The following SRGAP1 variants were observed in gnomAD, a reference collection of about 807,000 sequenced individuals.
SRGAP1 encodes SLIT-ROBO Rho GTPase-activating protein 1.
SRGAP1 carries 43 observed loss-of-function variants against 121.9 expected under a neutral mutation model. The observed-to-expected ratio is 0.35, with a 90% CI of 0.28 to 0.46. The LOEUF (loss-of-function observed/expected upper bound fraction) is 0.46. SRGAP1 is among the 20% of genes least tolerant of loss of function. SRGAP1 has a pLI of 1.00. For synonymous variants in SRGAP1, 447 were observed against 485.4 expected, an observed-to-expected ratio of 0.92 and a Z score of 1.04; for missense variants, 1,102 against 1,350.9, an observed-to-expected ratio of 0.82 and a Z score of 2.89.
Position 64,026,358 on chromosome 12 carries a change from T to C in SRGAP1, c.489+9346T>C, listed in dbSNP as rs2034652707. 2.0e-5 allele frequency among the ~76,000 whole-genome samples: 3 copies of C among 152,208 alleles called. No individual in the cohort carries two copies. The South Asian group carries it at 6.2e-4, about 31-fold the overall frequency. On this transcript the variant is annotated intron_variant, in intron 4 of 21. Coordinates refer to ENST00000355086, the MANE Select transcript of SRGAP1 (RefSeq NM_020762.4). Reference sequence around the variant, plus strand: ...CCAAAATAAATTAGAGGCATTTTTCTTGGATTTTACTGTTTGAAATTGGAC... The same window carrying C: ...CCAAAATAAATTAGAGGCATTTTTCCTGGATTTTACTGTTTGAAATTGGAC...
chr12:63,845,826 GAC>G (rs1898885655), intron 1 of SRGAP1, among the ~76,000 whole-genome samples: 3 of 152,148 alleles, frequency 2.0e-5, no homozygotes, highest in Non-Finnish European at 4.4e-5. Flanking sequence ...ACTGTTCTTT[GAC>G]ACATTCAATG....
chr12:64,109,906 A>G (rs1416352688), intron 16 of SRGAP1, among the ~76,000 whole-genome samples: 1 of 152,204 alleles, frequency 6.6e-6, no homozygotes, highest in East Asian at 1.9e-4. Context: ...ATACCCACTC[A>G]GCTTGACCCC....
At chr12:63,974,679 T>C (rs2033047066) in intron 1 of SRGAP1, among the ~76,000 whole-genome samples, 1 of 152,200 alleles carries the variant, frequency 6.6e-6, no homozygotes, top group Non-Finnish European at 1.5e-5. Flanking sequence ...TTATATTATG[T>C]TCGTTGTACT....
intron 1 of SRGAP1, among the ~76,000 whole-genome samples, chr12:63,915,987 G>A (rs1347374877): frequency 1.3e-5 from 2 of 151,522 alleles, no homozygotes; most frequent in African/African-American, 2.4e-5. Context: ...AAATTCTAGG[G>A]CTTGGAAGCA....
intron 3 of SRGAP1, among the ~76,000 whole-genome samples, chr12:64,011,120 C>G (rs1175392437): frequency 1.3e-5 from 2 of 151,814 alleles, no homozygotes; most frequent in Non-Finnish European, 2.9e-5. Flanking sequence ...AGTTTAGGAC[C>G]AGGCTGAAGG....
intron 1 of SRGAP1, among the ~76,000 whole-genome samples, chr12:63,964,696 T>C (rs1207434028): frequency 2.0e-5 from 3 of 152,140 alleles, no homozygotes; most frequent in African/African-American, 7.2e-5. Context: ...GGCTTGAGAG[T>C]GTGTTCATTT....
chr12:64,069,649 T>C lies in SRGAP1; in HGVS notation c.1125+4430T>C, dbSNP rs2035605547. On this transcript the variant is annotated intron_variant, in intron 8 of 21. Coordinates refer to ENST00000355086, the MANE Select transcript of SRGAP1 (RefSeq NM_020762.4). Reference sequence around the variant, plus strand: ...TTATTAAAACTTTGAAGTGAAACATTAATAAACATTACTTTTGTTTTTGTT... The same window carrying C: ...TTATTAAAACTTTGAAGTGAAACATCAATAAACATTACTTTTGTTTTTGTT... Among the ~76,000 whole-genome samples the C allele has an allele frequency of 2.0e-5, 3 of 152,166 alleles. No individual in the cohort carries two copies. The South Asian group carries it at 6.2e-4, about 32-fold the overall frequency.
intron 1 of SRGAP1, among the ~76,000 whole-genome samples, chr12:63,958,952 A>G (rs1049674952): frequency 1.3e-5 from 2 of 152,340 alleles, no homozygotes; most frequent in East Asian, 3.9e-4. Flanking sequence ...ATGTAAGTAG[A>G]ATGTCTTGCT....
chr12:63,873,351 T>G (rs1367526661), intron 1 of SRGAP1, among the ~76,000 whole-genome samples: 1 of 151,784 alleles, frequency 6.6e-6, no homozygotes, highest in Admixed American at 6.6e-5. Context: ...ACTGACATGG[T>G]GAAATCTCGT....
At chr12:63,985,063 A>G (rs887830316) in intron 2 of SRGAP1, among the ~76,000 whole-genome samples, 2 of 151,322 alleles carry the variant, frequency 1.3e-5, no homozygotes, top group African/African-American at 2.4e-5. Context: ...AAGTAAGCAG[A>G]CAACTCCAGT....
intron 7 of SRGAP1, among the ~76,000 whole-genome samples, chr12:64,063,586 A>G (rs1476903791): frequency 6.6e-6 from 1 of 152,234 alleles, no homozygotes; most frequent in East Asian, 1.9e-4. Flanking sequence ...CTCCAAAGCT[A>G]TAAAATGAGC....
rs772271174 is a variant in SRGAP1 at position 63,903,885 on chromosome 12, G to A, written c.67+59002G>A. Among the ~76,000 whole-genome samples the A allele has an allele frequency of 3.3e-5, 5 of 150,192 alleles. No homozygotes were observed. The South Asian group carries it at 6.4e-4, about 19-fold the overall frequency. Reference sequence around the variant, plus strand: ...CCTGACCTCGTGATCTGCCCGCCTCGGCCTCCCAAATTGCTGGGATTACAG... The same window carrying A: ...CCTGACCTCGTGATCTGCCCGCCTCAGCCTCCCAAATTGCTGGGATTACAG... On this transcript the variant is annotated intron_variant, in intron 1 of 21. Transcript: ENST00000355086.
intron 10 of SRGAP1, among the ~76,000 whole-genome samples, chr12:64,085,556 TCTAACCCTGTATAGCCAGCTTG>T (rs373730341): frequency 7.2e-5 from 11 of 152,258 alleles, no homozygotes; most frequent in African/African-American, 2.6e-4. Context: ...TTCTCTGTGC[TCTAACCCTGTATAGCCAGCTTG>T]CTGCCGAACA....
At chr12:63,907,850 T>A (rs901394485) in intron 1 of SRGAP1, among the ~76,000 whole-genome samples, 24 of 152,368 alleles carry the variant, frequency 1.6e-4, no homozygotes, top group Middle Eastern at 3.4e-3. Context: ...CCCTTACATT[T>A]AGGCCTCTGA....
At chr12:64,035,563 C>A (rs1290668010) in intron 4 of SRGAP1, among the ~76,000 whole-genome samples, 1 of 152,148 alleles carries the variant, frequency 6.6e-6, no homozygotes, top group East Asian at 1.9e-4. Context: ...TCTAGAGTAA[C>A]TGTCACCATA....
chr12:64,017,503 A>G (rs1005325570), intron 4 of SRGAP1, among the ~76,000 whole-genome samples: 2 of 151,952 alleles, frequency 1.3e-5, no homozygotes, highest in Non-Finnish European at 2.9e-5. Context: ...AAAAATGTAA[A>G]AGGTAGCTGG....
chr12:63,950,198 A>T (rs1415630096), intron 1 of SRGAP1, among the ~76,000 whole-genome samples: 1 of 152,186 alleles, frequency 6.6e-6, no homozygotes, highest in Non-Finnish European at 1.5e-5. Context: ...CCTCAACCTA[A>T]TAACCTTCCT....
rs1273741906 is a variant in SRGAP1 at position 64,079,180 on chromosome 12, C to G, written c.1323+64C>G. The G allele has an allele frequency of 2.5e-6, 4 of 1,571,108 alleles. No individual in the cohort carries two copies. The Admixed American group carries it at 6.7e-5, about 26-fold the overall frequency. ...GATCTAGGATTCCCAAGTGCCACTT[C>G]TATAGTCACATCAGAACCATCTGGG... On this transcript the variant is annotated intron_variant, in intron 9 of 21. Transcript: ENST00000355086.
chr12:63,965,402 T>C (rs1198999440), intron 1 of SRGAP1, among the ~76,000 whole-genome samples: 1 of 152,220 alleles, frequency 6.6e-6, no homozygotes, highest in Non-Finnish European at 1.5e-5. Context: ...AGCTTGGTAA[T>C]AGAAAATCAA....
Sources: allele counts gnomAD v4.1 joint callset (sites outside exome capture counted in the v4.1 genomes callset), GRCh38; gene constraint gnomAD v4.1.1; transcripts MANE v1.5; gene names NCBI Gene and HGNC (gene_info 2026-07-23, HGNC 2026-07-21).